Variants in COL5A2 observed in about 807,000 individuals in gnomAD.
The protein encoded by COL5A2 is collagen type V alpha 2 chain.
In COL5A2, 23 loss-of-function variants were observed where a neutral mutation model predicts 208.2. The ratio of observed to expected loss-of-function variants is 0.11; its 90% CI spans 0.08 to 0.16. The LOEUF is 0.16. Among genes scored for constraint, COL5A2 ranks in the 10% least tolerant of loss-of-function variants. The probability of loss-of-function intolerance (pLI) is 1.00; values close to 1 mark genes in which losing one functional copy is unlikely to be tolerated. For synonymous variants in COL5A2, 625 were observed against 628.5 expected (o/e 0.99, Z 0.08); for missense variants, 1,590 against 1,956.4 (o/e 0.81, Z 3.53).
At chr2:189,340,716 GC>G in the COL5A2 span, among the ~76,000 whole-genome samples, 1 of 152,206 alleles carries the variant, frequency 6.6e-6, no homozygotes, top group Non-Finnish European at 1.5e-5. Context: ...TCTCACAAAA[GC>G]AGCTCATTTT....
chr2:189,189,895 C>G (rs1688902044), intron 1 of COL5A2, among the ~76,000 whole-genome samples: 1 of 152,164 alleles, frequency 6.6e-6, no homozygotes, highest in Middle Eastern at 3.4e-3. Context: ...GATTATACCG[C>G]TTAGAAATCA....
intron 1 of COL5A2, among the ~76,000 whole-genome samples, chr2:189,156,309 C>T (rs1030093240): frequency 6.6e-6 from 1 of 151,956 alleles, no homozygotes; most frequent in East Asian, 1.9e-4. Context: ...ACAACATTGC[C>T]CTTAAAAATA....
the COL5A2 span, among the ~76,000 whole-genome samples, chr2:189,397,641 A>G: frequency 6.6e-6 from 1 of 151,880 alleles, no homozygotes; most frequent in Non-Finnish European, 1.5e-5. Context: ...TAATGTCTGT[A>G]CAATCTGTGA....
the COL5A2 span, among the ~76,000 whole-genome samples, chr2:189,278,862 G>T: frequency 5.9e-5 from 9 of 151,504 alleles, no homozygotes; most frequent in Non-Finnish European, 8.8e-5. Flanking sequence ...TCTATTTTTT[G>T]ATTTATTATT....
the COL5A2 span, among the ~76,000 whole-genome samples, chr2:189,330,845 A>G: frequency 6.6e-6 from 1 of 152,208 alleles, no homozygotes; most frequent in African/African-American, 2.4e-5. Context: ...GAAGAAAATA[A>G]TACCTTCAAT....
chr2:189,235,152 A>G, the COL5A2 span, among the ~76,000 whole-genome samples: 2 of 151,666 alleles, frequency 1.3e-5, no homozygotes, highest in African/African-American at 2.4e-5. Context: ...CAGTAGCCAC[A>G]TGAGTCCAGT....
the COL5A2 span, among the ~76,000 whole-genome samples, chr2:189,253,941 A>G: frequency 6.6e-6 from 1 of 152,236 alleles, no homozygotes; most frequent in Admixed American, 6.5e-5. Flanking sequence ...AAGTCTGAGC[A>G]TAACTGTTTA....
chr2:189,382,323 A>T, the COL5A2 span, among the ~76,000 whole-genome samples: 15 of 152,100 alleles, frequency 9.9e-5, no homozygotes, highest in Non-Finnish European at 1.5e-4. Context: ...ATGCCGCTAC[A>T]CTCCAGCCTG....
chr2:189,427,946 T>A, the COL5A2 span, among the ~76,000 whole-genome samples: 1 of 152,218 alleles, frequency 6.6e-6, no homozygotes, highest in Non-Finnish European at 1.5e-5. Context: ...ATTTACCCAA[T>A]GCCTTTACCC....
At chr2:189,432,996 G>A in the COL5A2 span, among the ~76,000 whole-genome samples, 1 of 152,148 alleles carries the variant, frequency 6.6e-6, no homozygotes, top group African/African-American at 2.4e-5. Flanking sequence ...AGACCACAGT[G>A]CAATCAAATT....
At chr2:189,097,847 G>A (rs1446414937) in intron 5 of COL5A2, among the ~76,000 whole-genome samples, 4 of 152,132 alleles carry the variant, frequency 2.6e-5, no homozygotes, top group Non-Finnish European at 4.4e-5. Flanking sequence ...GCCTACTACA[G>A]TACTGCTTTA....
chr2:189,217,381 T>G lies in COL5A2; in HGVS notation c.-42+7767A>C, dbSNP rs1689292286. ...TTTAACTGTAATAAATTAAGGCCAC[T>G]CTGGCTTCCTTTTTGTCATTCTTTC... On this transcript the variant is annotated intron_variant, in intron 1 of 10. Transcript: ENST00000649966. Among the ~76,000 whole-genome samples the G allele has an allele frequency of 1.3e-5, 2 of 152,212 alleles. 1 individual carries two copies. Among genetic ancestry groups the G allele is most frequent in the South Asian group, 4.1e-4 (2 of 4,836 alleles).
chr2:189,214,475 A>ATGATTAT (rs2105871480), intron 1 of COL5A2, among the ~76,000 whole-genome samples: 1 of 152,254 alleles, frequency 6.6e-6, no homozygotes, highest in Admixed American at 6.5e-5. Flanking sequence ...ATACATACAT[A>ATGATTAT]CATATAGGGA....
At chr2:189,120,797 C>T (rs1687484831) in intron 1 of COL5A2, among the ~76,000 whole-genome samples, 2 of 152,164 alleles carry the variant, frequency 1.3e-5, no homozygotes, top group African/African-American at 4.8e-5. Context: ...GTGTGAGTTT[C>T]AGTCCTCCCT....
At chr2:189,343,085 A>G in the COL5A2 span, among the ~76,000 whole-genome samples, 1 of 152,204 alleles carries the variant, frequency 6.6e-6, no homozygotes, top group East Asian at 1.9e-4. Context: ...ACAGACATAC[A>G]CAGAAACAGG....
chr2:189,176,189 C>T (rs1469351700), intron 1 of COL5A2, among the ~76,000 whole-genome samples: 1 of 152,120 alleles, frequency 6.6e-6, no homozygotes, highest in Non-Finnish European at 1.5e-5. Flanking sequence ...CAAAAGTTAG[C>T]TTGGGTCCAG....
intron 1 of COL5A2, among the ~76,000 whole-genome samples, chr2:189,118,733 G>A (rs756674697): frequency 6.6e-6 from 1 of 151,984 alleles, no homozygotes; most frequent in Non-Finnish European, 1.5e-5. Flanking sequence ...TCATCCCAAA[G>A]GCCAATTTCT....
chr2:189,048,501 C>CA (rs886425114), intron 44 of COL5A2, among the ~76,000 whole-genome samples: 3 of 152,062 alleles, frequency 2.0e-5, no homozygotes, highest in Admixed American at 1.3e-4. Context: ...TTTTGAAAAA[C>CA]AAAAAACCCA....
chr2:189,196,014 C>T (rs1430647625), intron 1 of COL5A2, among the ~76,000 whole-genome samples: 1 of 152,096 alleles, frequency 6.6e-6, no homozygotes, highest in African/African-American at 2.4e-5. Context: ...TCAGAGTGAA[C>T]AGGCAATCTA....
Sources: gnomAD v4.1 joint callset for allele counts (sites outside exome capture counted in the v4.1 genomes callset) on GRCh38, gnomAD v4.1.1 for gene constraint, MANE v1.5 for transcripts, NCBI Gene and HGNC (gene_info 2026-07-23, HGNC 2026-07-21) for gene names.